CCDC192: variants seen among roughly 807,000 people sequenced by gnomAD.
CCDC192 encodes the protein coiled-coil domain containing 192.
At chr5:127,811,052 C>G (rs1758054160) in intron 5 of CCDC192, among the ~76,000 whole-genome samples, 1 of 152,152 alleles carries the variant, frequency 6.6e-6, no homozygotes, top group Admixed American at 6.5e-5. Flanking sequence ...ATATACAACA[C>G]TCAGCATCAG....
At chr5:127,779,970 G>A (rs1057472509) in intron 3 of CCDC192, among the ~76,000 whole-genome samples, 7 of 151,692 alleles carry the variant, frequency 4.6e-5, no homozygotes, top group African/African-American at 1.5e-4. Flanking sequence ...ATGTATCAGT[G>A]AGAACATATG....
At chr5:127,730,500 G>A (rs1039724918) in intron 2 of CCDC192, among the ~76,000 whole-genome samples, 11 of 152,096 alleles carry the variant, frequency 7.2e-5, no homozygotes, top group Non-Finnish European at 2.9e-5. Flanking sequence ...GAAAAGGAGA[G>A]ACTCCTCCCT....
At chr5:127,754,422 G>A in intron 3 of CCDC192, 47 bp downstream of exon 3, 1 of 394,016 alleles carries the variant, frequency 2.5e-6, no homozygotes, top group Non-Finnish European at 4.5e-6. Flanking sequence ...TCAGTGTGCA[G>A]CATGGCAAGT....
intron 5 of CCDC192, among the ~76,000 whole-genome samples, chr5:127,836,479 T>G (rs902675710): frequency 6.6e-6 from 1 of 152,156 alleles, no homozygotes; most frequent in African/African-American, 2.4e-5. Flanking sequence ...GTATGGGGGC[T>G]CCAATCCCAC....
intron 6 of CCDC192, among the ~76,000 whole-genome samples, chr5:127,908,423 A>T (rs1430304770): frequency 6.6e-6 from 1 of 152,216 alleles, no homozygotes; most frequent in African/African-American, 2.4e-5. Context: ...AAAGAAGTGT[A>T]AAGGGGTATT....
chr5:127,856,804 C>T (rs1035162220), intron 5 of CCDC192, among the ~76,000 whole-genome samples: 2 of 152,092 alleles, frequency 1.3e-5, no homozygotes, highest in Non-Finnish European at 2.9e-5. Flanking sequence ...CACACTATTA[C>T]CACCAATTAT....
chr5:127,754,061 C>G (rs189698200), intron 2 of CCDC192, among the ~76,000 whole-genome samples: 217 of 152,164 alleles, frequency 1.4e-3, no homozygotes, highest in African/African-American at 5.1e-3. Flanking sequence ...ATTTTTTACT[C>G]TTTTTACTTT....
chr5:127,872,359 G>A (rs1424624761), intron 5 of CCDC192, among the ~76,000 whole-genome samples: 4 of 152,170 alleles, frequency 2.6e-5, no homozygotes, highest in Non-Finnish European at 5.9e-5. Flanking sequence ...CACAGGCTTT[G>A]TTAACCTTCT....
At chr5:127,777,059 G>A (rs145428813) in intron 3 of CCDC192, among the ~76,000 whole-genome samples, 1,806 of 152,240 alleles carry the variant, frequency 0.012, 35 homozygotes, top group African/African-American at 0.041. Context: ...GTGAGAAGAG[G>A]GCCACTGTCC....
At chr5:127,707,646 G>A (rs1580505082) in intron 1 of CCDC192, 63 bp from the exon 2 acceptor site, 2 of 397,252 alleles carry the variant, frequency 5.0e-6, no homozygotes, top group East Asian at 7.2e-5. Context: ...GTGCGGGGGT[G>A]TGTGTGCGCA....
At chr5:127,795,110 T>C (rs1463631726) in intron 3 of CCDC192, among the ~76,000 whole-genome samples, 1 of 151,972 alleles carries the variant, frequency 6.6e-6, no homozygotes, top group African/African-American at 2.4e-5. Flanking sequence ...CTGGGCAACA[T>C]GGTGAAAACT....
chr5:127,863,937 T>C (rs908070710), intron 5 of CCDC192, among the ~76,000 whole-genome samples: 1 of 152,214 alleles, frequency 6.6e-6, no homozygotes, highest in Non-Finnish European at 1.5e-5. Flanking sequence ...GTATTTGTTG[T>C]GCATCTCCTG....
At chr5:127,737,295 T>G (rs372116472) in intron 2 of CCDC192, among the ~76,000 whole-genome samples, 1 of 152,060 alleles carries the variant, frequency 6.6e-6, no homozygotes, top group Non-Finnish European at 1.5e-5. Flanking sequence ...GTCTGAGAGA[T>G]AGTTTGTTAT....
intron 2 of CCDC192, among the ~76,000 whole-genome samples, chr5:127,742,563 A>G (rs564153762): frequency 3.3e-5 from 5 of 152,274 alleles, no homozygotes; most frequent in African/African-American, 1.2e-4. Context: ...TCAATTCACA[A>G]TTTAACAGAG....
intron 2 of CCDC192, among the ~76,000 whole-genome samples, chr5:127,714,582 T>C (rs558609594): frequency 3.3e-5 from 5 of 151,946 alleles, no homozygotes; most frequent in Non-Finnish European, 5.9e-5. Context: ...TAAGTAGAGA[T>C]AGAGTTTCAA....
At chr5:127,732,379 T>C (rs574962793) in intron 2 of CCDC192, among the ~76,000 whole-genome samples, 5 of 152,276 alleles carry the variant, frequency 3.3e-5, no homozygotes, top group Non-Finnish European at 7.3e-5. Flanking sequence ...AAAGAAACAC[T>C]TTTACACTGT....
intron 3 of CCDC192, among the ~76,000 whole-genome samples, chr5:127,760,696 T>G (rs1754866333): frequency 8.6e-6 from 1 of 116,642 alleles, no homozygotes; most frequent in Non-Finnish European, 1.7e-5. Flanking sequence ...AGCGAGATTC[T>G]GTCTCAAAAA....
intron 5 of CCDC192, among the ~76,000 whole-genome samples, chr5:127,832,245 A>G (rs748611866): frequency 7.9e-5 from 12 of 152,206 alleles, no homozygotes; most frequent in Non-Finnish European, 1.0e-4. Context: ...AGGCTTCAAT[A>G]CTAGAGAAGA....
chr5:127,880,929 G>A (rs1197468647), intron 6 of CCDC192, among the ~76,000 whole-genome samples: 2 of 152,132 alleles, frequency 1.3e-5, no homozygotes, highest in African/African-American at 2.4e-5. Context: ...GCAGTGAGCC[G>A]AGATTGCACC....
Sources: allele counts gnomAD v4.1 joint callset (sites outside exome capture counted in the v4.1 genomes callset), GRCh38; gene constraint gnomAD v4.1.1; transcripts MANE v1.5; gene names NCBI Gene and HGNC (gene_info 2026-07-23, HGNC 2026-07-21).